LSG1: variants seen among roughly 807,000 people sequenced by gnomAD.
LSG1 encodes the protein large 60S subunit nuclear export GTPase 1, also known as large subunit GTPase 1 homolog.
LSG1 carries 55 observed loss-of-function variants against 82.6 expected under a neutral mutation model. The observed-to-expected ratio is 0.67, with a 90% CI of 0.54 to 0.83. The LOEUF (loss-of-function observed/expected upper bound fraction) is 0.83. Among genes scored for constraint, LSG1 ranks in the 40% least tolerant of loss-of-function variants. LSG1 has a pLI of 0.00. For synonymous variants in LSG1, 272 were observed against 282.5 expected (o/e 0.96, Z 0.37); for missense variants, 809 against 807.9 (o/e 1.00, Z -0.02).
chr3:194,644,458 G>T, intron 13 of LSG1, 115 bp downstream of exon 13: 2 of 439,750 alleles, frequency 4.5e-6, no homozygotes, highest in Admixed American at 4.5e-5. Flanking sequence ...ACCCTTTTTG[G>T]AATTATTAAA....
At chr3:194,662,128 A>C (rs1291434377) in intron 5 of LSG1, among the ~76,000 whole-genome samples, 1 of 152,230 alleles carries the variant, frequency 6.6e-6, no homozygotes, top group African/African-American at 2.4e-5. Context: ...CATCAGCTCT[A>C]TCTCTCCAGG....
Position 194,652,897 on chromosome 3 carries a change from G to C in LSG1, c.1005C>G (p.Asp335Glu). Residue 335 changes from aspartate to glutamate, a missense_variant, in exon 8 of 14, where the codon GAC (aspartate) becomes GAG (glutamate). Physicochemically the swap from Asp to Glu is conservative, Grantham distance 45. Coordinates refer to ENST00000265245, the MANE Select transcript of LSG1 (RefSeq NM_018385.3). ...AATCTGCAGTAGAGCTTTCCTTCCA[G>C]TCCTGGCTGCAGTCCTCTTCCTTGG... ...DGPKEEDCSQ[D>E]WKESSTADSE... is the part of the protein sequence containing the mutation. 6.2e-7 allele frequency: 1 copy of C among 1,614,092 alleles called. No individual in the cohort carries two copies. Among genetic ancestry groups the C allele is most frequent in the Non-Finnish European group, 8.5e-7 (1 of 1,180,036 alleles).
intron 6 of LSG1, 39 bp from the exon 7 acceptor site, chr3:194,659,172 C>T: frequency 6.7e-7 from 1 of 1,485,902 alleles, no homozygotes; most frequent in Non-Finnish European, 9.1e-7. Context: ...CCTCTTCAAA[C>T]AAGTAAAAAA....
At chr3:194,651,494 T>G in intron 8 of LSG1, 10 of 389,354 alleles carry the variant, frequency 2.6e-5, no homozygotes, top group East Asian at 5.6e-5. Flanking sequence ...CATCCCCTTG[T>G]TCCCAGCCTT....
intron 7 of LSG1, among the ~76,000 whole-genome samples, chr3:194,656,856 G>A (rs532884239): frequency 6.6e-6 from 1 of 152,066 alleles, no homozygotes; most frequent in Non-Finnish European, 1.5e-5. Context: ...TAGGGACGTG[G>A]ATGAAGCTGG....
At chr3:194,668,608 T>C (rs563354665) in intron 2 of LSG1, among the ~76,000 whole-genome samples, 1 of 152,318 alleles carries the variant, frequency 6.6e-6, no homozygotes, top group Non-Finnish European at 1.5e-5. Context: ...TTTTCTCCCT[T>C]CTTCTACTAC....
rs1560223349 is a variant in LSG1, at chr3:194,653,155, TA to T, written c.760-14del. 1 of 1,608,600 alleles carries T rather than the reference TA, an allele frequency of 6.2e-7. No individual in the cohort carries two copies. Among genetic ancestry groups the T allele is most frequent in the South Asian group, 1.1e-5 (1 of 90,258 alleles). ...TGTTTGCCTCTTCCTGACAAAATAA[TA>T]GAAACGCTCAGAAGTATATAACTGC... On this transcript the variant is annotated splice_polypyrimidine_tract_variant and intron_variant, in intron 7 of 13. Transcript: ENST00000265245.
At chr3:194,666,849 T>C (rs922327784) in intron 2 of LSG1, among the ~76,000 whole-genome samples, 1 of 152,176 alleles carries the variant, frequency 6.6e-6, no homozygotes, top group Admixed American at 6.5e-5. Flanking sequence ...GTTTCCAAGT[T>C]TTCATTATTA....
At chr3:194,647,012 C>A (rs1718567961) in intron 11 of LSG1, among the ~76,000 whole-genome samples, 1 of 152,206 alleles carries the variant, frequency 6.6e-6, no homozygotes, top group South Asian at 2.1e-4. Context: ...AAGAACACGG[C>A]TTCAGCAGAC....
intron 4 of LSG1, 58 bp downstream of exon 4, chr3:194,666,145 G>T: frequency 1.4e-6 from 2 of 1,432,518 alleles, no homozygotes; most frequent in Non-Finnish European, 2.0e-6. Context: ...GTGTAAGCAT[G>T]CCAAATATCT....
intron 8 of LSG1, among the ~76,000 whole-genome samples, chr3:194,652,009 AAACT>A (rs1390431012): frequency 6.6e-6 from 1 of 152,208 alleles, no homozygotes; most frequent in Non-Finnish European, 1.5e-5. Context: ...AGGGGGCTCA[AAACT>A]AACTAGGATT....
intron 5 of LSG1, among the ~76,000 whole-genome samples, chr3:194,663,165 A>G (rs1291379696): frequency 6.6e-6 from 1 of 152,196 alleles, no homozygotes; most frequent in Non-Finnish European, 1.5e-5. Flanking sequence ...ACTTGTTACC[A>G]TTTCTCTTCG....
chr3:194,670,162 ACAG>A, intron 1 of LSG1, 27 bp from the exon 2 acceptor site: 2 of 1,611,760 alleles, frequency 1.2e-6, no homozygotes, highest in Non-Finnish European at 1.7e-6. Context: ...GGTGATAAAT[ACAG>A]CTGCTCTCTT....
chr3:194,667,212 G>A (rs1987023), intron 2 of LSG1, among the ~76,000 whole-genome samples: 92,468 of 151,734 alleles, frequency 0.61, 29,936 homozygotes, highest in East Asian at 0.87. Flanking sequence ...CACCACGCCC[G>A]GCTAATTTTT....
rs1718528349 is a variant in LSG1 at position 194,645,581 on chromosome 3, C to CACACACACAG, written c.1623+582_1623+583insCTGTGTGTGT. Reference sequence around the variant, plus strand: ...ACACACACACACACAGACAGACACACACACACACACACACACACACACACA... The same window carrying CACACACACAG: ...ACACACACACACACAGACAGACACACACACACACAGACACACACACACACACACACACACA... On this transcript the variant is annotated intron_variant, in intron 12 of 13. Transcript: ENST00000265245. Among the ~76,000 whole-genome samples, 4 of 65,518 alleles carry CACACACACAG rather than the reference C, an allele frequency of 6.1e-5. 1 individual carries two copies. The highest frequency in any genetic ancestry group is 1.6e-4 in the Admixed American group (1 of 6,210). 43.0% of individuals were successfully genotyped at this position (65,518 alleles called of 152,430 possible).
intron 10 of LSG1, 130 bp from the exon 11 acceptor site, chr3:194,648,934 T>C (rs763225009): frequency 2.3e-6 from 2 of 878,328 alleles, no homozygotes; most frequent in South Asian, 1.8e-5. Context: ...AGGAAGAGGA[T>C]AGTTTTTGAT....
chr3:194,649,046 C>A, intron 10 of LSG1: 1 of 374,236 alleles, frequency 2.7e-6, no homozygotes. Context: ...TAAAATATAT[C>A]TGAAACAGAC....
chr3:194,654,441 C>G (rs1462044053), intron 7 of LSG1, among the ~76,000 whole-genome samples: 1 of 152,118 alleles, frequency 6.6e-6, no homozygotes, highest in African/African-American at 2.4e-5. Flanking sequence ...ACGATGAACT[C>G]AAACATGTAT....
At position 194,664,550 on chromosome 3, in the gene LSG1, T is replaced by C. The variant is rs1718994110; in HGVS notation, c.521+1007A>G. Among the ~76,000 whole-genome samples, 4 of 152,252 alleles carry C rather than the reference T, an allele frequency of 2.6e-5. No individual in the cohort carries two copies. The Middle Eastern group carries it at 0.014, about 518-fold the overall frequency. On this transcript the variant is annotated intron_variant, in intron 5 of 13. Coordinates refer to ENST00000265245, the MANE Select transcript of LSG1 (RefSeq NM_018385.3). Reference sequence around the variant, plus strand: ...ATCAGGAATTCTCCTTAGCATTACATGAAAAAGAATAAAGATCTCCCATTC... The same window carrying C: ...ATCAGGAATTCTCCTTAGCATTACACGAAAAAGAATAAAGATCTCCCATTC...
Sources: gnomAD v4.1 joint callset for allele counts (sites outside exome capture counted in the v4.1 genomes callset) on GRCh38, gnomAD v4.1.1 for gene constraint, MANE v1.5 for transcripts, NCBI Gene and HGNC (gene_info 2026-07-23, HGNC 2026-07-21) for gene names.